Variants in SPOCK1 observed in about 807,000 individuals in gnomAD.
SPOCK1 encodes SPARC (osteonectin), cwcv and kazal like domains proteoglycan 1, also known as testican-1.
Under a neutral mutation model 55.3 loss-of-function variants are expected in SPOCK1, and 23 were observed. The ratio of observed to expected loss-of-function variants is 0.42; its 90% CI spans 0.30 to 0.59. The LOEUF (loss-of-function observed/expected upper bound fraction) is 0.59. Among genes scored for constraint, SPOCK1 ranks in the 20% least tolerant of loss-of-function variants. SPOCK1 has a pLI of 0.22. For synonymous variants in SPOCK1, 226 were observed against 221.0 expected (o/e 1.02, Z -0.20); for missense variants, 499 against 552.5 (o/e 0.90, Z 0.97).
chr5:137,327,749 TA>T (rs11332493), intron 2 of SPOCK1, among the ~76,000 whole-genome samples: 4,231 of 152,256 alleles, frequency 0.028, 205 homozygotes, highest in African/African-American at 0.097. Context: ...ACATAGCTCT[TA>T]GAGTCGCGGT....
At chr5:137,239,938 A>G (rs1756252321) in intron 3 of SPOCK1, among the ~76,000 whole-genome samples, 2 of 152,176 alleles carry the variant, frequency 1.3e-5, no homozygotes, top group African/African-American at 4.8e-5. Context: ...ACTATAATAA[A>G]CCCAACACAG....
chr5:137,217,068 G>A (rs1239527105), intron 3 of SPOCK1, among the ~76,000 whole-genome samples: 1 of 152,164 alleles, frequency 6.6e-6, no homozygotes, highest in Non-Finnish European at 1.5e-5. Context: ...ACTGGGAACA[G>A]AGAACAAGAC....
At chr5:137,275,295 C>A (rs560443855) in intron 2 of SPOCK1, among the ~76,000 whole-genome samples, 1 of 152,216 alleles carries the variant, frequency 6.6e-6, no homozygotes, top group African/African-American at 2.4e-5. Flanking sequence ...TCCCTTCCCC[C>A]ACCATAGCTG....
intron 5 of SPOCK1, among the ~76,000 whole-genome samples, chr5:137,078,858 C>G (rs968970301): frequency 2.4e-4 from 36 of 152,256 alleles, no homozygotes; most frequent in African/African-American, 7.7e-4. Flanking sequence ...TTTGTGACAC[C>G]CTACCCCAGC....
Position 136,978,117 on chromosome 5 carries a change from A to C in SPOCK1, c.*537T>G. On this transcript the variant is annotated 3_prime_UTR_variant, in exon 11 of 11. Coordinates refer to ENST00000394945, the MANE Select transcript of SPOCK1 (RefSeq NM_004598.4). ...TGTTTATAGGAAGCCAGATATAATG[A>C]TGTGAAAAAAACTAATTTTTAATAA... 1 of 395,104 alleles carries C rather than the reference A, an allele frequency of 2.5e-6. No homozygotes were observed. Among genetic ancestry groups the C allele is most frequent in the Non-Finnish European group, 4.5e-6 (1 of 224,110 alleles). 24.5% of individuals were successfully genotyped at this position (395,104 alleles called of 1,614,324 possible).
At chr5:137,040,170 A>G (rs1162640752) in intron 6 of SPOCK1, among the ~76,000 whole-genome samples, 2 of 152,156 alleles carry the variant, frequency 1.3e-5, no homozygotes, top group Admixed American at 1.3e-4. Flanking sequence ...CTGAGCCTGG[A>G]GCAAAAGGAC....
intron 2 of SPOCK1, among the ~76,000 whole-genome samples, chr5:137,395,223 A>T (rs1751816975): frequency 6.6e-6 from 1 of 152,222 alleles, no homozygotes; most frequent in Admixed American, 6.5e-5. Context: ...ATGTTTTGTA[A>T]GGGTAAAAAA....
intron 3 of SPOCK1, among the ~76,000 whole-genome samples, chr5:137,176,507 T>TGTGTGTGTGTGTGTGC (rs1754854432): frequency 2.9e-5 from 2 of 69,290 alleles, no homozygotes; most frequent in African/African-American, 7.5e-5. Context: ...CCACAATGTG[T>TGTGTGTGTGTGTGTGC]GTGTGTGTGT....
At chr5:137,396,204 C>T (rs1441035860) in intron 2 of SPOCK1, among the ~76,000 whole-genome samples, 3 of 152,106 alleles carry the variant, frequency 2.0e-5, no homozygotes, top group Admixed American at 2.0e-4. Flanking sequence ...AAAATTCCCT[C>T]CACTAACCTA....
At chr5:137,442,770 G>A (rs891023766) in intron 2 of SPOCK1, among the ~76,000 whole-genome samples, 4 of 152,242 alleles carry the variant, frequency 2.6e-5, no homozygotes, top group Non-Finnish European at 5.9e-5. Flanking sequence ...GATCCTCTGT[G>A]CCTTGTGCCC....
chr5:137,017,139 G>C (rs1751461515), intron 6 of SPOCK1, among the ~76,000 whole-genome samples: 1 of 152,244 alleles, frequency 6.6e-6, no homozygotes, highest in South Asian at 2.1e-4. Context: ...GAGGACCTCA[G>C]CTACCACAGA....
intron 3 of SPOCK1, among the ~76,000 whole-genome samples, chr5:137,247,835 T>C (rs1400172417): frequency 4.6e-5 from 7 of 152,088 alleles, no homozygotes; most frequent in African/African-American, 1.7e-4. Flanking sequence ...CAGGAACTAA[T>C]CCATTTCCAC....
intron 2 of SPOCK1, among the ~76,000 whole-genome samples, chr5:137,461,467 C>T (rs552127271): frequency 6.6e-6 from 1 of 152,328 alleles, no homozygotes; most frequent in African/African-American, 2.4e-5. Flanking sequence ...ATTAATGAAG[C>T]AGCTTTTGGG....
At chr5:137,393,096 T>A (rs563542824) in intron 2 of SPOCK1, among the ~76,000 whole-genome samples, 1 of 152,266 alleles carries the variant, frequency 6.6e-6, no homozygotes, top group South Asian at 2.1e-4. Flanking sequence ...CCTGCATCTA[T>A]AGACACATGA....
At chr5:137,160,579 T>TATATATAATATATAATATATTATATATA (rs1754520562) in intron 3 of SPOCK1, among the ~76,000 whole-genome samples, 5 of 60,126 alleles carry the variant, frequency 8.3e-5, no homozygotes, top group Non-Finnish European at 1.5e-4. Context: ...TATTATATAA[T>TATATATAATATATAATATATTATATATA]ATATATAATA....
At chr5:137,061,178 A>G (rs1752388411) in intron 6 of SPOCK1, among the ~76,000 whole-genome samples, 1 of 152,244 alleles carries the variant, frequency 6.6e-6, no homozygotes, top group African/African-American at 2.4e-5. Flanking sequence ...TTAAACAAAA[A>G]TGTTCTTTCC....
intron 2 of SPOCK1, among the ~76,000 whole-genome samples, chr5:137,329,996 G>C (rs1758140955): frequency 6.6e-6 from 1 of 152,280 alleles, no homozygotes; most frequent in Non-Finnish European, 1.5e-5. Flanking sequence ...GCTGGATCCA[G>C]ATCAGCCATT....
intron 2 of SPOCK1, among the ~76,000 whole-genome samples, chr5:137,385,985 A>G (rs1751592478): frequency 6.6e-6 from 1 of 152,212 alleles, no homozygotes; most frequent in African/African-American, 2.4e-5. Flanking sequence ...CTCCAGTGCA[A>G]TTTTATTTAC....
At chr5:136,990,285 TCTC>T (rs1284446616) in intron 7 of SPOCK1, among the ~76,000 whole-genome samples, 1 of 152,058 alleles carries the variant, frequency 6.6e-6, no homozygotes, top group Admixed American at 6.6e-5. Context: ...AAGTACAGCA[TCTC>T]CTCCTCTGAG....
Sources: gnomAD v4.1 joint callset for allele counts (sites outside exome capture counted in the v4.1 genomes callset) on GRCh38, gnomAD v4.1.1 for gene constraint, MANE v1.5 for transcripts, NCBI Gene and HGNC (gene_info 2026-07-23, HGNC 2026-07-21) for gene names.